The following MSL2 variants were observed in gnomAD, a reference collection of about 807,000 sequenced individuals.
The protein encoded by MSL2 is MSL complex subunit 2, also known as E3 ubiquitin-protein ligase MSL2.
Under a neutral mutation model 35.8 loss-of-function variants are expected in MSL2, and 2 were observed. The ratio of observed to expected loss-of-function variants is 0.06; its 90% CI spans 0.02 to 0.18. MSL2 has a LOEUF of 0.18. MSL2 is among the 10% of genes least tolerant of loss of function. The pLI, the probability that MSL2 is intolerant of heterozygous loss-of-function variation, is 1.00. For missense variants in MSL2, 523 were observed against 706.7 expected (o/e 0.74, Z 2.95); for synonymous variants, 296 against 255.7 (o/e 1.16, Z -1.50).
Position 136,151,657 on chromosome 3 carries a change from C to T in MSL2, c.1224G>A (p.Met408Ile). 6.2e-7 allele frequency: 1 copy of T among 1,614,100 alleles called. No individual in the cohort carries two copies. The highest frequency in any genetic ancestry group is 8.5e-7 in the Non-Finnish European group (1 of 1,180,014). The stretch of plus-strand genomic sequence containing the variant: ...TGGATCCATGTTCATGACTCTTTTT[C>T]ATGCTTTTAGTAGATAAAAGTACAG... ...SKTVLLSTKSMKKSHEHGSKK... is the reference protein window; with the variant it reads ...SKTVLLSTKSIKKSHEHGSKK... Residue 408 changes from methionine to isoleucine, a missense_variant, in exon 2 of 2, where the codon ATG becomes ATA. Coordinates refer to ENST00000309993, the MANE Select transcript of MSL2 (RefSeq NM_018133.4). The surrounding 1 kb of genome is among the most constrained non-coding windows in gnomAD (Gnocchi z 5.2).
intron 1 of MSL2, among the ~76,000 whole-genome samples, chr3:136,169,984 A>C (rs1317286088): frequency 6.6e-6 from 1 of 150,504 alleles, no homozygotes; most frequent in Non-Finnish European, 1.5e-5. Flanking sequence ...CCAGGAGGTG[A>C]AAGATGCAGT....
intron 1 of MSL2, among the ~76,000 whole-genome samples, chr3:136,163,727 C>A (rs141390726): frequency 0.015 from 2,260 of 152,328 alleles, 33 homozygotes; most frequent in Non-Finnish European, 0.023. Flanking sequence ...AAGGGACAGA[C>A]CAGGTGGAGA....
At position 136,157,547 on chromosome 3, in the gene MSL2, A is replaced by C. The variant is rs113646001; in HGVS notation, c.143-4809T>G. On this transcript the variant is annotated intron_variant, in intron 1 of 1. Transcript: ENST00000309993. ...ATGAATACAGATTAGGGCAGAAACC[A>C]ATACAAGAGAAAGCAGAAAAACCAA... 1.8e-4 allele frequency among the ~76,000 whole-genome samples: 28 copies of C among 152,318 alleles called. 1 individual carries two copies. The highest frequency in any genetic ancestry group is 6.7e-4 in the African/African-American group (28 of 41,568).
intron 1 of MSL2, among the ~76,000 whole-genome samples, chr3:136,183,423 G>C (rs1186980061): frequency 6.6e-6 from 1 of 151,720 alleles, no homozygotes; most frequent in Non-Finnish European, 1.5e-5. Context: ...TGAAAGTTTT[G>C]TTTTTTGGTT....
At chr3:136,161,173 C>T (rs888417769) in intron 1 of MSL2, among the ~76,000 whole-genome samples, 2 of 152,140 alleles carry the variant, frequency 1.3e-5, no homozygotes, top group African/African-American at 4.8e-5. Flanking sequence ...ACACTACTGC[C>T]CACCCATTAG....
At position 136,163,145 on chromosome 3, in the gene MSL2, G is replaced by A. The variant is rs531619437; in HGVS notation, c.143-10407C>T. 2.6e-3 allele frequency among the ~76,000 whole-genome samples: 395 copies of A among 152,158 alleles called. 3 individuals carry two copies. The highest frequency in any genetic ancestry group is 7.1e-3 in the African/African-American group (293 of 41,514). ...ATGGTGGTGGGCGCCTGTAATCCCA[G>A]CTACTCGGAAGGCTACGGCAGGAGA... On this transcript the variant is annotated intron_variant, in intron 1 of 1. Transcript: ENST00000309993.
At chr3:136,186,635 A>G (rs1167071093) in intron 1 of MSL2, among the ~76,000 whole-genome samples, 2 of 152,252 alleles carry the variant, frequency 1.3e-5, no homozygotes, top group East Asian at 3.8e-4. Context: ...ACACTCATTA[A>G]GAAATAATGC....
chr3:136,183,104 A>T (rs765478294), intron 1 of MSL2, among the ~76,000 whole-genome samples: 113 of 152,116 alleles, frequency 7.4e-4, no homozygotes, highest in Middle Eastern at 3.4e-3. Flanking sequence ...ATCCAGCAAC[A>T]AAGTAAAATT....
intron 1 of MSL2, among the ~76,000 whole-genome samples, chr3:136,179,496 G>A (rs537531285): frequency 6.6e-6 from 1 of 152,250 alleles, no homozygotes; most frequent in Admixed American, 6.5e-5. Flanking sequence ...TGTGTATTTT[G>A]TAAAAGCTTC....
intron 1 of MSL2, among the ~76,000 whole-genome samples, chr3:136,184,596 C>G (rs1940460620): frequency 6.6e-6 from 1 of 152,068 alleles, no homozygotes; most frequent in Non-Finnish European, 1.5e-5. Flanking sequence ...GAGCGAGACT[C>G]CGTCTCAAAA....
At chr3:136,189,178 C>T (rs1940612665) in intron 1 of MSL2, among the ~76,000 whole-genome samples, 1 of 135,688 alleles carries the variant, frequency 7.4e-6, no homozygotes, top group Non-Finnish European at 1.5e-5. Context: ...CGCACGCCTA[C>T]AGTCCCAACT....
intron 1 of MSL2, among the ~76,000 whole-genome samples, chr3:136,167,880 A>C (rs939087024): frequency 6.6e-6 from 1 of 152,224 alleles, no homozygotes; most frequent in African/African-American, 2.4e-5. Context: ...ATAACAGTAC[A>C]GAATCAAACA....
intron 1 of MSL2, among the ~76,000 whole-genome samples, chr3:136,181,709 A>G (rs1940368306): frequency 6.6e-6 from 1 of 152,108 alleles, no homozygotes; most frequent in Admixed American, 6.6e-5. Context: ...ACCTGAGGTC[A>G]GGAGTTGAAG....
intron 1 of MSL2, among the ~76,000 whole-genome samples, chr3:136,184,258 T>C (rs1940447952): frequency 6.6e-6 from 1 of 151,648 alleles, no homozygotes; most frequent in African/African-American, 2.4e-5. Flanking sequence ...ATGGTGCCAC[T>C]GCACTTTAAC....
rs541561355 is a variant in MSL2 at position 136,196,048 on chromosome 3, G to A, written c.-935C>T. On this transcript the variant is annotated 5_prime_UTR_variant, in exon 1 of 2. Transcript: ENST00000309993. ...GCCGCCGCCGCCCTCAGCACTCCCC[G>A]GCCGCGGAAGGCAAGCGCTCACACC... 2.1e-4 allele frequency: 34 copies of A among 158,630 alleles called. 1 individual carries two copies. The South Asian group carries it at 5.0e-3, about 24-fold the overall frequency. 9.8% of individuals were successfully genotyped at this position (158,630 alleles called of 1,614,324 possible). A position where few individuals can be genotyped will look rare whatever the true frequency, so the allele number is the denominator to read the frequency against.
rs753479310 is a variant in MSL2 at position 136,152,379 on chromosome 3, T to C, written c.502A>G (p.Thr168Ala). The C allele has an allele frequency of 1.9e-6, 3 of 1,613,964 alleles. No individual in the cohort carries two copies. The highest frequency in any genetic ancestry group is 3.3e-5 in the Admixed American group (2 of 59,996). The change falls in exon 2 of 2, where the codon ACT becomes GCT. Residue 168 changes from threonine to alanine, a missense_variant. Coordinates refer to ENST00000309993, the MANE Select transcript of MSL2 (RefSeq NM_018133.4). ...GGAGATAAACTAGCTTGAGGATCAG[T>C]TGTGGGTTCTGAGGTTGAAGGTAAA... ...SPLPSTSEPT[T>A]DPQASLSPMS...
At chr3:136,180,796 GGGAGGGAGGGAGGGAAGGAGGGAA>G (rs1940327799) in intron 1 of MSL2, among the ~76,000 whole-genome samples, 1 of 42,856 alleles carries the variant, frequency 2.3e-5, no homozygotes, top group South Asian at 1.1e-3. Context: ...GAGGGAGGGA[GGGAGGGAGGGAGGGAAGGAGGGAA>G]GGAAGGAAGG....
At chr3:136,189,108 C>CAAAAAAAAAAA (rs372715974) in intron 1 of MSL2, among the ~76,000 whole-genome samples, 8 of 38,608 alleles carry the variant, frequency 2.1e-4, no homozygotes, top group African/African-American at 8.0e-4. Flanking sequence ...CCTGTCTCTA[C>CAAAAAAAAAAA]AAAAAAAAAA....
At chr3:136,193,583 TA>T (rs202019369) in intron 1 of MSL2, among the ~76,000 whole-genome samples, 176 of 144,278 alleles carry the variant, frequency 1.2e-3, no homozygotes, top group Middle Eastern at 3.5e-3. Flanking sequence ...GTGAGGACAT[TA>T]AAAAAAAAAA....
Sources: allele counts gnomAD v4.1 joint callset (sites outside exome capture counted in the v4.1 genomes callset), GRCh38; gene constraint gnomAD v4.1.1; non-coding constraint Gnocchi (gnomAD v3.1); transcripts MANE v1.5; gene names NCBI Gene and HGNC (gene_info 2026-07-23, HGNC 2026-07-21).